The following ANO4 variants were observed in gnomAD, a reference collection of about 807,000 sequenced individuals.
ANO4 encodes anoctamin 4.
In ANO4, 69 loss-of-function variants were observed where a neutral mutation model predicts 141.9. That is an observed-to-expected ratio of 0.49 (90% CI 0.40 to 0.59). The LOEUF is 0.59. Ranked by LOEUF, ANO4 falls within the 20% of genes least tolerant of loss-of-function variation. The pLI is 0.00. For synonymous variants in ANO4, 350 were observed against 394.3 expected (o/e 0.89, Z 1.33); for missense variants, 894 against 1,162.2 (o/e 0.77, Z 3.36).
chr12:100,802,723 G>T (rs1413196681), intron 1 of ANO4, among the ~76,000 whole-genome samples: 2 of 152,110 alleles, frequency 1.3e-5, no homozygotes, highest in Admixed American at 6.5e-5. Flanking sequence ...AGAGTGGGAG[G>T]GGGAGACAGA....
chr12:101,030,749 T>TA (rs1194387373), intron 9 of ANO4, among the ~76,000 whole-genome samples: 1 of 151,786 alleles, frequency 6.6e-6, no homozygotes, highest in Non-Finnish European at 1.5e-5. Flanking sequence ...AAGAATCCCA[T>TA]AAAAAATGAT....
intron 5 of ANO4, among the ~76,000 whole-genome samples, chr12:100,970,529 G>A (rs1434034069): frequency 2.0e-5 from 3 of 152,060 alleles, no homozygotes; most frequent in African/African-American, 7.2e-5. Context: ...TTCCACAGAG[G>A]AGACTTTCCT....
At chr12:100,949,189 G>A (rs1482724735) in intron 5 of ANO4, among the ~76,000 whole-genome samples, 1 of 152,202 alleles carries the variant, frequency 6.6e-6, no homozygotes, top group African/African-American at 2.4e-5. Context: ...ATCATAGCCT[G>A]GTGAGACCCT....
chr12:100,794,405 T>C (rs2034171827), upstream of ANO4, among the ~76,000 whole-genome samples: 3 of 152,168 alleles, frequency 2.0e-5, no homozygotes, highest in South Asian at 2.1e-4. Context: ...GGGCTTTAGA[T>C]CTTTGTTAAA....
chr12:100,833,682 G>A (rs150966120), intron 1 of ANO4, among the ~76,000 whole-genome samples: 1,766 of 152,098 alleles, frequency 0.012, 26 homozygotes, highest in African/African-American at 0.04. Context: ...TACTAGTTGT[G>A]GGTTCTTGAG....
intron 1 of ANO4, among the ~76,000 whole-genome samples, chr12:100,835,758 A>G (rs2036878378): frequency 6.6e-6 from 1 of 152,112 alleles, no homozygotes; most frequent in Non-Finnish European, 1.5e-5. Context: ...AGCTGTAGAC[A>G]GATATCAGTG....
chr12:100,721,871 T>TA (rs60238767), intron 1 of ANO4, among the ~76,000 whole-genome samples: 10,134 of 149,736 alleles, frequency 0.068, 512 homozygotes, highest in East Asian at 0.28. Flanking sequence ...TTTTTTTTTT[T>TA]AAGTAGAGGC....
intron 1 of ANO4, among the ~76,000 whole-genome samples, chr12:100,841,987 C>T (rs1321175747): frequency 1.3e-5 from 2 of 148,998 alleles, no homozygotes; most frequent in Non-Finnish European, 3.0e-5. Flanking sequence ...GATTGGTGGG[C>T]CCAACACTGG....
In ANO4 at chr12:100,760,128, T is replaced by C. The variant is rs144906158; in HGVS notation, c.358+20023T>C. Among the ~76,000 whole-genome samples, 448 of 152,292 alleles carry C rather than the reference T, an allele frequency of 2.9e-3. 1 individual carries two copies. Among genetic ancestry groups the C allele is most frequent in the African/African-American group, 9.9e-3 (413 of 41,560 alleles). ...CTTTACAATCTTACTTCATTGCCTC[T>C]ATTCTTGTGTGACACAGTCTTGATC... On this transcript the variant is annotated intron_variant, in intron 3 of 29. Coordinates refer to the ANO4 transcript ENST00000644049.
At chr12:101,054,634 G>T (rs527460499) in intron 14 of ANO4, among the ~76,000 whole-genome samples, 2 of 152,288 alleles carry the variant, frequency 1.3e-5, no homozygotes, top group East Asian at 3.9e-4. Flanking sequence ...CGAGTAGCTG[G>T]GATTACAGGC....
chr12:101,044,057 C>T (rs1178384278), intron 13 of ANO4, among the ~76,000 whole-genome samples: 1 of 152,130 alleles, frequency 6.6e-6, no homozygotes, highest in Non-Finnish European at 1.5e-5. Flanking sequence ...GTAAATAGAC[C>T]TCAGTAAATG....
At chr12:101,084,524 A>T (rs976672366) in intron 16 of ANO4, among the ~76,000 whole-genome samples, 2 of 152,050 alleles carry the variant, frequency 1.3e-5, no homozygotes, top group African/African-American at 4.8e-5. Flanking sequence ...TCCTTTTTTC[A>T]AATGATGAGT....
intron 1 of ANO4, among the ~76,000 whole-genome samples, chr12:100,826,907 C>T (rs971912597): frequency 6.6e-6 from 1 of 151,908 alleles, no homozygotes; most frequent in Non-Finnish European, 1.5e-5. Context: ...AAAATATATT[C>T]AGAATCCGAC....
At chr12:100,758,992 A>G (rs1230102426) in intron 3 of ANO4, among the ~76,000 whole-genome samples, 2 of 152,144 alleles carry the variant, frequency 1.3e-5, no homozygotes, top group Non-Finnish European at 2.9e-5. Context: ...GAGATCCTTA[A>G]TCTTAACTAT....
At chr12:100,878,146 T>C (rs1369620862) in intron 1 of ANO4, among the ~76,000 whole-genome samples, 1 of 152,158 alleles carries the variant, frequency 6.6e-6, no homozygotes, top group African/African-American at 2.4e-5. Flanking sequence ...AGAAAAAGTA[T>C]CACTGAGTTT....
intron 1 of ANO4, among the ~76,000 whole-genome samples, chr12:100,864,002 T>C (rs1184466386): frequency 3.9e-5 from 6 of 152,172 alleles, no homozygotes; most frequent in Non-Finnish European, 5.9e-5. Context: ...CTCCTCCAAA[T>C]TATTCCAATC....
At chr12:100,945,115 G>T (rs1397664173) in intron 5 of ANO4, among the ~76,000 whole-genome samples, 1 of 152,140 alleles carries the variant, frequency 6.6e-6, no homozygotes, top group Non-Finnish European at 1.5e-5. Context: ...TGAATTATTA[G>T]TATCTTCTTA....
intron 9 of ANO4, among the ~76,000 whole-genome samples, chr12:101,023,352 C>A (rs565404514): frequency 6.6e-6 from 1 of 152,142 alleles, no homozygotes; most frequent in Non-Finnish European, 1.5e-5. Flanking sequence ...AAGGAGTTTT[C>A]TATTCAAAGA....
intron 3 of ANO4, among the ~76,000 whole-genome samples, chr12:100,778,703 G>A (rs2033616749): frequency 1.3e-5 from 2 of 152,124 alleles, no homozygotes; most frequent in Non-Finnish European, 2.9e-5. Context: ...TTCGGGTTAC[G>A]GCTTAGACCA....
Sources: allele counts gnomAD v4.1 joint callset (sites outside exome capture counted in the v4.1 genomes callset), GRCh38; gene constraint gnomAD v4.1.1; transcripts MANE v1.5; gene names NCBI Gene and HGNC (gene_info 2026-07-23, HGNC 2026-07-21).